The following CDC14A variants were observed in gnomAD, a reference collection of about 807,000 sequenced individuals.
CDC14A encodes dual specificity protein phosphatase CDC14A.
Under a neutral mutation model 74.4 loss-of-function variants are expected in CDC14A, and 53 were observed. The ratio of observed to expected loss-of-function variants is 0.71; its 90% CI spans 0.57 to 0.89. CDC14A has a LOEUF of 0.89. Ranked by LOEUF, CDC14A falls within the 40% of genes least tolerant of loss-of-function variation. CDC14A has a pLI of 0.00. For synonymous variants in CDC14A, 247 were observed against 258.4 expected, an observed-to-expected ratio of 0.96 and a Z score of 0.43; for missense variants, 646 against 713.7, an observed-to-expected ratio of 0.91 and a Z score of 1.08.
intron 5 of CDC14A, among the ~76,000 whole-genome samples, chr1:100,435,901 G>A (rs1664271946): frequency 6.6e-6 from 1 of 152,070 alleles, no homozygotes; most frequent in Admixed American, 6.5e-5. Flanking sequence ...GTCCAAACCG[G>A]GTGGAAGCTG....
At chr1:100,377,840 G>A (rs1370450274) in intron 3 of CDC14A, among the ~76,000 whole-genome samples, 3 of 152,180 alleles carry the variant, frequency 2.0e-5, no homozygotes, top group Non-Finnish European at 4.4e-5. Flanking sequence ...AATATGAGCT[G>A]AATGAAGTCA....
At chr1:100,450,089 A>G in intron 7 of CDC14A, among the ~76,000 whole-genome samples, 1 of 152,144 alleles carries the variant, frequency 6.6e-6, no homozygotes, top group East Asian at 1.9e-4. Flanking sequence ...TCTGTATGGA[A>G]CATCAATTTA....
intron 15 of CDC14A, among the ~76,000 whole-genome samples, chr1:100,509,063 T>C (rs560194841): frequency 4.6e-5 from 7 of 152,178 alleles, no homozygotes; most frequent in Admixed American, 1.3e-4. Flanking sequence ...CTCCTGAGCA[T>C]GAACCTTCTG....
chr1:100,407,015 G>T (rs1013729597), intron 4 of CDC14A, among the ~76,000 whole-genome samples: 10 of 151,610 alleles, frequency 6.6e-5, no homozygotes, highest in African/African-American at 2.4e-4. Context: ...TTTGTAGGTG[G>T]GTGGTCTTAT....
At chr1:100,408,775 G>GAT (rs1482797622) in intron 4 of CDC14A, among the ~76,000 whole-genome samples, 1 of 152,084 alleles carries the variant, frequency 6.6e-6, no homozygotes, top group Admixed American at 6.6e-5. Context: ...TGCTACATGT[G>GAT]ATATATAGTG....
At position 100,429,234 on chromosome 1, in the gene CDC14A, T is replaced by TAAATAAATAAATAAATAAATAAATAAAA. The variant is rs60569646; in HGVS notation, c.389+4934_389+4935insAATAAATAAATAAATAAATAAATAAAAA. Among the ~76,000 whole-genome samples, 1,187 of 146,472 alleles carry TAAATAAATAAATAAATAAATAAATAAAA rather than the reference T, an allele frequency of 8.1e-3. 21 individuals carry two copies. The highest frequency in any genetic ancestry group is 0.028 in the East Asian group (142 of 5,056). On this transcript the variant is annotated intron_variant, in intron 5 of 15. Coordinates refer to ENST00000336454, the MANE Select transcript of CDC14A (RefSeq NM_003672.4). ...ATAAATAAATAAATAAATAAATAAA[T>TAAATAAATAAATAAATAAATAAATAAAA]ATAAAATAAAATGACATATACAATT...
In CDC14A at chr1:100,391,097, T is replaced by C. The variant is rs961620722; in HGVS notation, c.309+273T>C. The C allele has an allele frequency of 7.0e-6, 3 of 428,690 alleles. No homozygotes were observed. The Admixed American group carries it at 1.1e-4, about 15-fold the overall frequency. The allele number at this position is 428,690 out of a possible 1,614,324, so 26.6% of individuals were successfully genotyped here. On this transcript the variant is annotated intron_variant, in intron 4 of 15. Coordinates refer to ENST00000336454, the MANE Select transcript of CDC14A (RefSeq NM_003672.4). ...TAGGTATTTTAATAAAAAGAATACCTACCAAGGACATTTCTAGGAAAAAAA... is the reference window on the plus strand; with the variant it reads ...TAGGTATTTTAATAAAAAGAATACCCACCAAGGACATTTCTAGGAAAAAAA...
At chr1:100,501,117 T>C (rs1648676099) in intron 15 of CDC14A, among the ~76,000 whole-genome samples, 1 of 152,122 alleles carries the variant, frequency 6.6e-6, no homozygotes. Flanking sequence ...ACTATAAAAA[T>C]TGGGTGTATA....
At chr1:100,351,909 C>T, upstream of CDC14A, 4 of 1,061,918 alleles carry the variant, frequency 3.8e-6, no homozygotes, top group Non-Finnish European at 5.5e-6. Context: ...CAGTGTTGGG[C>T]GTGGGGGGTG....
At chr1:100,415,404 C>G (rs1661408113) in intron 4 of CDC14A, among the ~76,000 whole-genome samples, 1 of 152,164 alleles carries the variant, frequency 6.6e-6, no homozygotes, top group African/African-American at 2.4e-5. Flanking sequence ...AGACCTCATT[C>G]TCATGAGGAT....
intron 2 of CDC14A, chr1:100,363,240 A>G (rs1442185615): frequency 3.3e-5 from 5 of 152,212 alleles, no homozygotes; most frequent in South Asian, 2.1e-4. Flanking sequence ...TAGTATTCCT[A>G]CTGGCACAAC....
intron 10 of CDC14A, among the ~76,000 whole-genome samples, chr1:100,472,157 GAA>G (rs1571281117): frequency 1.3e-5 from 2 of 152,068 alleles, no homozygotes; most frequent in East Asian, 3.8e-4. Context: ...TAAGAAACAT[GAA>G]AAGACATTTC....
At chr1:100,504,901 T>C (rs1649099669) in intron 15 of CDC14A, 1 of 1,534,024 alleles carries the variant, frequency 6.5e-7, no homozygotes, top group Non-Finnish European at 8.7e-7. Context: ...AATAAAGACA[T>C]ATATTACCTC....
At chr1:100,504,205 G>A (rs112412593) in intron 15 of CDC14A, among the ~76,000 whole-genome samples, 160 of 152,278 alleles carry the variant, frequency 1.1e-3, no homozygotes, top group African/African-American at 3.8e-3. Context: ...ATACAAATAA[G>A]TGAAACTTAT....
chr1:100,472,345 G>A (rs1668476273), intron 10 of CDC14A, among the ~76,000 whole-genome samples: 1 of 152,096 alleles, frequency 6.6e-6, no homozygotes, highest in African/African-American at 2.4e-5. Context: ...AGATATGCCT[G>A]TTTATGTTCT....
rs890617600 is a variant in CDC14A, at chr1:100,352,690, C to A, written c.-265C>A. The stretch of plus-strand genomic sequence containing the variant: ...GGCGGCGGCGGAGCAGCAGCTGCAG[C>A]AGCCGAGTCCAAATAGGAGCGGCCA... On this transcript the variant is annotated 5_prime_UTR_variant, in exon 1 of 16. Transcript: ENST00000336454. The A allele has an allele frequency of 9.8e-6, 13 of 1,327,650 alleles. No individual in the cohort carries two copies. The highest frequency in any genetic ancestry group is 1.6e-5 in the African/African-American group (1 of 63,814). The allele number at this position is 1,327,650 out of a possible 1,614,324, so 82.2% of individuals were successfully genotyped here.
At chr1:100,385,406 G>A (rs1373471008) in intron 3 of CDC14A, among the ~76,000 whole-genome samples, 1 of 152,142 alleles carries the variant, frequency 6.6e-6, no homozygotes, top group Non-Finnish European at 1.5e-5. Flanking sequence ...CCCTGCAGGT[G>A]ATTCTGAACC....
At chr1:100,516,763 G>T (rs1241668626) in intron 15 of CDC14A, among the ~76,000 whole-genome samples, 1 of 152,118 alleles carries the variant, frequency 6.6e-6, no homozygotes, top group South Asian at 2.1e-4. Context: ...AACTTCACTG[G>T]ACTTTCTTAG....
intron 11 of CDC14A, among the ~76,000 whole-genome samples, chr1:100,491,831 C>T (rs1670730693): frequency 6.7e-6 from 1 of 149,520 alleles, no homozygotes; most frequent in South Asian, 2.1e-4. Flanking sequence ...CTTGGCCTCC[C>T]AAAGTGCTGG....
Sources: gnomAD v4.1 joint callset for allele counts (sites outside exome capture counted in the v4.1 genomes callset) on GRCh38, gnomAD v4.1.1 for gene constraint, MANE v1.5 for transcripts, NCBI Gene and HGNC (gene_info 2026-07-23, HGNC 2026-07-21) for gene names.